FLYWCH1: variants seen among roughly 807,000 people sequenced by gnomAD.
The protein encoded by FLYWCH1 is FLYWCH-type zinc finger 1.
A neutral mutation model predicts 66.4 loss-of-function variants in FLYWCH1; 75 were observed. The observed-to-expected ratio is 1.13, with a 90% CI of 0.94 to 1.37. The LOEUF is 1.37. FLYWCH1 is among the 40% of genes most tolerant of loss of function. The pLI is 0.00. For missense variants in FLYWCH1, 1,334 were observed against 1,001.8 expected, an observed-to-expected ratio of 1.33 and a Z score of -4.48; for synonymous variants, 595 against 429.9, an observed-to-expected ratio of 1.38 and a Z score of -4.75.
At chr16:2,922,786 C>A in intron 2 of FLYWCH1, 2 of 522,094 alleles carry the variant, frequency 3.8e-6, no homozygotes. Context: ...TCACAGAGTT[C>A]TTCACAGCCT....
At chr16:2,916,157 G>A (rs547243272) in intron 2 of FLYWCH1, among the ~76,000 whole-genome samples, 7 of 152,106 alleles carry the variant, frequency 4.6e-5, no homozygotes, top group Non-Finnish European at 1.0e-4. Flanking sequence ...GACCAGCCTG[G>A]CCAACATGAT....
intron 9 of FLYWCH1, among the ~76,000 whole-genome samples, chr16:2,947,956 A>T (rs2071552851): frequency 6.6e-6 from 1 of 151,882 alleles, no homozygotes; most frequent in South Asian, 2.1e-4. Context: ...TGGGAGGATC[A>T]CTGGAGCCCA....
At chr16:2,936,339 T>C (rs1338166601) in intron 6 of FLYWCH1, 1 of 454,558 alleles carries the variant, frequency 2.2e-6, no homozygotes, top group Non-Finnish European at 4.4e-6. Context: ...CAGGCTCCTG[T>C]GCTGCTGTGC....
intron 6 of FLYWCH1, among the ~76,000 whole-genome samples, 196 bp downstream of exon 6, chr16:2,934,175 C>T (rs899623156): frequency 3.9e-5 from 6 of 152,170 alleles, no homozygotes; most frequent in African/African-American, 1.4e-4. Context: ...CCTTCCTGCT[C>T]AGCCCAGCCT....
chr16:2,943,554 A>C (rs573970986), intron 9 of FLYWCH1: 1 of 151,870 alleles, frequency 6.6e-6, no homozygotes, highest in East Asian at 1.9e-4. Flanking sequence ...AACATTTGAC[A>C]ACCTCCAACA....
intron 1 of FLYWCH1, among the ~76,000 whole-genome samples, chr16:2,912,574 T>C (rs1253080032): frequency 6.6e-6 from 1 of 152,188 alleles, no homozygotes. Context: ...TCGAACTTTG[T>C]TGACCCACAG....
At chr16:2,948,623 T>C (rs2071581871) in intron 9 of FLYWCH1, 65 bp from the exon 10 acceptor site, 1 of 1,535,086 alleles carries the variant, frequency 6.5e-7, no homozygotes, top group South Asian at 1.1e-5. Context: ...ATCCTGAACT[T>C]TCTGTGTTAT....
At chr16:2,940,596 G>A (rs947754487) in intron 9 of FLYWCH1, among the ~76,000 whole-genome samples, 6 of 151,994 alleles carry the variant, frequency 3.9e-5, no homozygotes, top group South Asian at 2.1e-4. Context: ...CCACCACACC[G>A]AGCTGATTTT....
chr16:2,934,046 C>A, intron 6 of FLYWCH1, 67 bp downstream of exon 6: 1 of 1,439,174 alleles, frequency 6.9e-7, no homozygotes, highest in Non-Finnish European at 9.1e-7. Flanking sequence ...GCCTTTCCCT[C>A]TCCATGCTGC....
Position 2,929,818 on chromosome 16 carries a change from C to G in FLYWCH1, c.133C>G (p.Leu45Val). The G allele has an allele frequency of 1.2e-6, 2 of 1,613,984 alleles. No homozygotes were observed. The highest frequency in any genetic ancestry group is 2.2e-5 in the East Asian group (1 of 44,884). ...KPREFSKLVLLTASDQDEDGV... is the reference protein window; with the variant it reads ...KPREFSKLVLVTASDQDEDGV... Reference sequence around the variant, plus strand: ...CAGGGAGTTCTCCAAACTGGTGCTGCTCACAGCCTCCGACCAAGATGAGGA... The same window carrying G: ...CAGGGAGTTCTCCAAACTGGTGCTGGTCACAGCCTCCGACCAAGATGAGGA... The change falls in exon 3 of 10, where the codon CTC becomes GTC. Residue 45 changes from leucine (L) to valine (V), a missense_variant. By Grantham distance (32) the Leu-to-Val change is conservative (BLOSUM62 1). Coordinates refer to ENST00000253928, the MANE Select transcript of FLYWCH1 (RefSeq NM_001308068.2).
Position 2,930,672 on chromosome 16 carries a change from A to G in FLYWCH1, c.588A>G (p.Pro196=), listed in dbSNP as rs750310474. ...QREKLPSLAL[P]EGLGEPQGPE... is the part of the protein sequence containing the mutation. Reference sequence around the variant, plus strand: ...AGAAACTGCCCAGCCTGGCCCTGCCAGAGGGCTTGGGAGAGCCCCAGGGTC... The same window carrying G: ...AGAAACTGCCCAGCCTGGCCCTGCCGGAGGGCTTGGGAGAGCCCCAGGGTC... Residue 196 remains proline (P), a synonymous_variant, in exon 4 of 10, where the codon CCA becomes CCG. Coordinates refer to ENST00000253928, the MANE Select transcript of FLYWCH1 (RefSeq NM_001308068.2). The G allele has an allele frequency of 3.2e-5, 49 of 1,545,262 alleles. No homozygotes were observed. The highest frequency in any genetic ancestry group is 4.1e-4 in the Middle Eastern group (2 of 4,838).
chr16:2,929,318 C>T (rs575519289), intron 2 of FLYWCH1, among the ~76,000 whole-genome samples: 2 of 152,284 alleles, frequency 1.3e-5, no homozygotes, highest in African/African-American at 2.4e-5. Flanking sequence ...ACCCTTCGTC[C>T]GTGCTCAGCA....
intron 4 of FLYWCH1, among the ~76,000 whole-genome samples, chr16:2,931,295 T>C (rs1596373518): frequency 9.0e-6 from 1 of 110,524 alleles, no homozygotes; most frequent in African/African-American, 3.7e-5. Flanking sequence ...GGAGCGAGAC[T>C]CCATCTCAGT....
chr16:2,932,788 C>T (rs10852668), intron 4 of FLYWCH1, among the ~76,000 whole-genome samples: 27,920 of 151,872 alleles, frequency 0.18, 2,944 homozygotes, highest in East Asian at 0.4. Flanking sequence ...TGGCCCCTCC[C>T]GGTGTAACCT....
intron 2 of FLYWCH1, 23 bp from the exon 3 acceptor site, chr16:2,929,590 C>T (rs777977338): frequency 1.5e-4 from 210 of 1,436,656 alleles, no homozygotes; most frequent in Non-Finnish European, 1.8e-4. Context: ...CCACCACTGA[C>T]GGGATTTTGC....
intron 9 of FLYWCH1, among the ~76,000 whole-genome samples, chr16:2,941,840 G>A (rs1174578922): frequency 6.6e-6 from 1 of 151,876 alleles, no homozygotes; most frequent in African/African-American, 2.4e-5. Context: ...GACCAACATG[G>A]TGAAACCCCA....
chr16:2,922,681 C>T, intron 2 of FLYWCH1: 1 of 461,286 alleles, frequency 2.2e-6, no homozygotes, highest in South Asian at 1.7e-5. Context: ...ATTTTGTTGG[C>T]CACACCCAAA....
chr16:2,933,871 C>T lies in FLYWCH1; in HGVS notation c.1405C>T (p.Arg469Ter), dbSNP rs768455395. ...GCRSRAITQGRRVTVMRGHCH... is the reference protein window; with the variant it reads ...GCRSRAITQG ...CCGCAGCCGCGCCATCACCCAGGGC[C>T]GACGGGTGACTGTCATGCGTGGTCA... Residue 469 changes from arginine to a stop codon, truncating the protein, a stop_gained, in exon 6 of 10, where the codon CGA (arginine) becomes TGA (stop). Coordinates refer to ENST00000253928, the MANE Select transcript of FLYWCH1 (RefSeq NM_001308068.2). LOFTEE classifies it high-confidence loss of function. 3.1e-6 allele frequency: 5 copies of T among 1,599,680 alleles called. No individual in the cohort carries two copies. Among genetic ancestry groups the T allele is most frequent in the African/African-American group, 2.7e-5 (2 of 74,650 alleles).
chr16:2,935,976 C>T (rs1383279031), intron 6 of FLYWCH1: 37 of 169,348 alleles, frequency 2.2e-4, no homozygotes, highest in Non-Finnish European at 4.1e-4. Context: ...GTGGCGTGGT[C>T]TTGGCTCACT....
Sources: gnomAD v4.1 joint callset for allele counts (sites outside exome capture counted in the v4.1 genomes callset) on GRCh38, gnomAD v4.1.1 for gene constraint, MANE v1.5 for transcripts, NCBI Gene and HGNC (gene_info 2026-07-23, HGNC 2026-07-21) for gene names.